Variants in TMEM143 observed in about 807,000 individuals in gnomAD.
TMEM143 encodes the protein transmembrane protein 143.
In TMEM143, 45 loss-of-function variants were observed where a neutral mutation model predicts 40.3. The ratio of observed to expected loss-of-function variants is 1.12; its 90% CI spans 0.88 to 1.43. TMEM143 has a LOEUF of 1.43. Among genes scored for constraint, TMEM143 ranks in the 40% most tolerant of loss-of-function variants. The pLI, the probability that TMEM143 is intolerant of heterozygous loss-of-function variation, is 0.00. For missense variants in TMEM143, 620 were observed against 613.4 expected (o/e 1.01, Z -0.11); for synonymous variants, 299 against 282.7 (o/e 1.06, Z -0.58).
In TMEM143 at chr19:48,333,232, CT is replaced by C; in HGVS notation, c.1366del (p.Ser456ValfsTer6). 6.7e-7 allele frequency: 1 copy of C among 1,487,218 alleles called. No homozygotes were observed. Among genetic ancestry groups the C allele is most frequent in the Non-Finnish European group, 9.1e-7 (1 of 1,103,904 alleles). The allele number at this position is 1,487,218 out of a possible 1,614,324, so 92.1% of individuals were successfully genotyped here. A position where few individuals can be genotyped will look rare whatever the true frequency, so the allele number is the denominator to read the frequency against. On this transcript the variant is annotated frameshift_variant, in exon 8 of 8. Transcript: ENST00000293261. LOFTEE classifies it high-confidence loss of function. This position sits in a 1 kb window ranked among gnomAD's most constrained non-coding sequence, Gnocchi z 4.1. ...GGTAGGTTCTACTCAGGAGATGTTA[CT>C]GCTGGGCGTGGCTTGCGGGGGCTCG... Reference protein sequence around the residue: ...TSEPPQATPSSNIS With the variant: ...TSEPPQATPSXNIS
chr19:48,334,299 C>A lies in TMEM143; in HGVS notation c.976-102G>T, dbSNP rs185478166. On this transcript the variant is annotated intron_variant, in intron 6 of 7. Transcript: ENST00000293261. ...GCTGGCACGGCCCACGCCGCTTACTCCCCTGAGGAGGCGGGGAGGTCCTAC... is the reference window on the plus strand; with the variant it reads ...GCTGGCACGGCCCACGCCGCTTACTACCCTGAGGAGGCGGGGAGGTCCTAC... The A allele has an allele frequency of 1.2e-5, 16 of 1,309,024 alleles. No individual in the cohort carries two copies. The Admixed American group carries it at 2.4e-4, about 20-fold the overall frequency. The allele number at this position is 1,309,024 out of a possible 1,614,324, so 81.1% of individuals were successfully genotyped here. A position where few individuals can be genotyped will look rare whatever the true frequency, so the allele number is the denominator to read the frequency against.
intron 3 of TMEM143, among the ~76,000 whole-genome samples, chr19:48,353,103 T>A (rs1969812077): frequency 6.6e-6 from 1 of 152,122 alleles, no homozygotes; most frequent in African/African-American, 2.4e-5. Context: ...TTGGTTGAAT[T>A]CACAGATGCA....
intron 3 of TMEM143, among the ~76,000 whole-genome samples, chr19:48,354,798 T>C (rs1969849709): frequency 6.6e-6 from 1 of 152,024 alleles, no homozygotes; most frequent in African/African-American, 2.4e-5. Flanking sequence ...ACCAAGCTAT[T>C]GTTTGAACCG....
rs117634739 is a variant in TMEM143 at position 48,344,495 on chromosome 19, C to G, written c.564+665G>C. 4.7e-4 allele frequency among the ~76,000 whole-genome samples: 71 copies of G among 152,108 alleles called. No homozygotes were observed. The East Asian group carries it at 0.012, about 25-fold the overall frequency. ...GTAGAGACGGGGTCTCCCTGTGTCG[C>G]CTAGATGAGTCCGGAACTCCTGGGC... On this transcript the variant is annotated intron_variant, in intron 4 of 7. Coordinates refer to ENST00000293261, the MANE Select transcript of TMEM143 (RefSeq NM_018273.4).
chr19:48,345,445 C>T (rs17361438), intron 3 of TMEM143, 91 bp from the exon 4 acceptor site: 187,046 of 640,556 alleles, frequency 0.29, 28,056 homozygotes, highest in Non-Finnish European at 0.33. Flanking sequence ...CAGATACTTT[C>T]ATTTATTTAT....
intron 3 of TMEM143, among the ~76,000 whole-genome samples, chr19:48,349,213 C>T (rs1969711909): frequency 6.6e-6 from 1 of 151,662 alleles, no homozygotes; most frequent in South Asian, 2.1e-4. Context: ...AACGACAAAC[C>T]AGATTGGTTT....
At chr19:48,334,468 TTCTTTCTTTCTTTTTC>T (rs1210490444) in intron 6 of TMEM143, among the ~76,000 whole-genome samples, 9 of 52,796 alleles carry the variant, frequency 1.7e-4, no homozygotes, top group Non-Finnish European at 3.5e-4. Flanking sequence ...CTTTCTTTCT[TTCTTTCTTTCTTTTTC>T]TTTCTTTCTT....
chr19:48,357,455 G>A (rs1969933172), intron 3 of TMEM143, among the ~76,000 whole-genome samples: 5 of 147,388 alleles, frequency 3.4e-5, no homozygotes, highest in East Asian at 2.0e-4. Flanking sequence ...CCGGGTTCAC[G>A]TCATTCTCCT....
At chr19:48,356,123 C>CTTT (rs1350695094) in intron 3 of TMEM143, among the ~76,000 whole-genome samples, 1 of 144,064 alleles carries the variant, frequency 6.9e-6, no homozygotes. Context: ...CTTTTTTTTT[C>CTTT]TTTTTTTTTT....
At chr19:48,351,599 C>T (rs1198998140) in intron 3 of TMEM143, among the ~76,000 whole-genome samples, 2 of 152,168 alleles carry the variant, frequency 1.3e-5, no homozygotes, top group African/African-American at 4.8e-5. Flanking sequence ...CCTCTGCCCT[C>T]ACCTCCTCTC....
Position 48,345,155 on chromosome 19 carries a change from A to C in TMEM143, c.564+5T>G. Reference sequence around the variant, plus strand: ...GGAGTTTTGTTCTCCTAGGGAGCCAAGTACCTGGACCTCATCCTGAGGGTG... The same window carrying C: ...GGAGTTTTGTTCTCCTAGGGAGCCACGTACCTGGACCTCATCCTGAGGGTG... On this transcript the variant is annotated splice_donor_5th_base_variant and intron_variant, in intron 4 of 7. Coordinates refer to ENST00000293261, the MANE Select transcript of TMEM143 (RefSeq NM_018273.4). The C allele has an allele frequency of 6.2e-7, 1 of 1,612,184 alleles. No homozygotes were observed. Among genetic ancestry groups the C allele is most frequent in the Non-Finnish European group, 8.5e-7 (1 of 1,179,084 alleles).
rs747012755 is a variant in TMEM143, at chr19:48,343,378, A to G, written c.638T>C (p.Leu213Pro). ...ALGQRVGQMP[L>P]KSSVGSRRGF... Reference sequence around the variant, plus strand: ...ACGCCTGGAGCCCACGCTGGACTTCAGGGGCATCTGCCCGACTCGCTGGCC... The same window carrying G: ...ACGCCTGGAGCCCACGCTGGACTTCGGGGGCATCTGCCCGACTCGCTGGCC... Residue 213 changes from leucine (L) to proline (P), a missense_variant, in exon 5 of 8, where the codon CTG becomes CCG. Coordinates refer to ENST00000293261, the MANE Select transcript of TMEM143 (RefSeq NM_018273.4). 6 of 1,607,802 alleles carry G rather than the reference A, an allele frequency of 3.7e-6. No homozygotes were observed. The highest frequency in any genetic ancestry group is 5.1e-6 in the Non-Finnish European group (6 of 1,177,358).
intron 3 of TMEM143, among the ~76,000 whole-genome samples, chr19:48,350,195 T>C (rs953394568): frequency 1.3e-5 from 2 of 151,560 alleles, no homozygotes; most frequent in African/African-American, 4.8e-5. Context: ...TTTTTTTTAG[T>C]AGAGACGGGG....
chr19:48,334,199 T>C lies in TMEM143; in HGVS notation c.976-2A>G. 1 of 1,595,796 alleles carries C rather than the reference T, an allele frequency of 6.3e-7. No individual in the cohort carries two copies. Among genetic ancestry groups the C allele is most frequent in the Non-Finnish European group, 8.5e-7 (1 of 1,171,996 alleles). On this transcript the variant is annotated splice_acceptor_variant, in intron 6 of 7. Coordinates refer to ENST00000293261, the MANE Select transcript of TMEM143 (RefSeq NM_018273.4). LOFTEE classifies it high-confidence loss of function. ...CGCGCTGCGCCGCTGCCCGAACATC[T>C]GCAGGCGGGACAGCGCCCCGTGGGC...
At chr19:48,356,106 C>G (rs552167845) in intron 3 of TMEM143, among the ~76,000 whole-genome samples, 1 of 151,790 alleles carries the variant, frequency 6.6e-6, no homozygotes, top group East Asian at 1.9e-4. Flanking sequence ...CCCCATGTGC[C>G]TTTTTCCTTT....
At chr19:48,341,731 T>A (rs1182839777) in intron 6 of TMEM143, among the ~76,000 whole-genome samples, 1 of 152,072 alleles carries the variant, frequency 6.6e-6, no homozygotes, top group East Asian at 1.9e-4. Context: ...TTGTTCAAGA[T>A]CACACAGCGA....
intron 6 of TMEM143, among the ~76,000 whole-genome samples, chr19:48,338,009 C>T (rs964151259): frequency 1.4e-5 from 2 of 146,572 alleles, no homozygotes; most frequent in Admixed American, 6.9e-5. Flanking sequence ...GAGGGGTCCC[C>T]CTGCCACCCG....
rs752237474 is a variant in TMEM143, at chr19:48,342,620, G to A, written c.885C>T (p.Asn295=). The A allele has an allele frequency of 2.5e-6, 4 of 1,613,890 alleles. No individual in the cohort carries two copies. Among genetic ancestry groups the A allele is most frequent in the Admixed American group, 1.7e-5 (1 of 60,012 alleles). The change falls in exon 6 of 8, where the codon AAC becomes AAT. Residue 295 remains asparagine, a synonymous_variant. Coordinates refer to ENST00000293261, the MANE Select transcript of TMEM143 (RefSeq NM_018273.4). ...LVVSGVAIFV[N]VGMVVLTDLK... is the part of the protein sequence containing the mutation. ...GGTCGGTTAGCACCACCATGCCCAC[G>A]TTGACGAAGATCGCCACGCCGGAGA...
intron 6 of TMEM143, among the ~76,000 whole-genome samples, chr19:48,341,358 T>A (rs1479264508): frequency 6.6e-6 from 1 of 152,160 alleles, no homozygotes; most frequent in Non-Finnish European, 1.5e-5. Flanking sequence ...GGCACTCACA[T>A]GTAGCAGAAT....
Sources: gnomAD v4.1 joint callset for allele counts (sites outside exome capture counted in the v4.1 genomes callset) on GRCh38, gnomAD v4.1.1 for gene constraint, Gnocchi (gnomAD v3.1) non-coding constraint, MANE v1.5 for transcripts, NCBI Gene and HGNC (gene_info 2026-07-23, HGNC 2026-07-21) for gene names.